Variants in DLC1 observed in about 807,000 individuals in gnomAD.
The protein encoded by DLC1 is rho GTPase-activating protein 7.
DLC1 carries 54 observed loss-of-function variants against 140.3 expected under a neutral mutation model. That is an observed-to-expected ratio of 0.38 (90% CI 0.31 to 0.48). The LOEUF is 0.48. Ranked by LOEUF, DLC1 falls within the 20% of genes least tolerant of loss-of-function variation. DLC1 has a pLI of 0.96. For synonymous variants in DLC1, 986 were observed against 728.1 expected, an observed-to-expected ratio of 1.35 and a Z score of -5.70; for missense variants, 2,536 against 1,907.0, an observed-to-expected ratio of 1.33 and a Z score of -6.14.
intron 5 of DLC1, among the ~76,000 whole-genome samples, chr8:13,301,819 G>A (rs1470190702): frequency 6.6e-6 from 1 of 152,166 alleles, no homozygotes; most frequent in Non-Finnish European, 1.5e-5. Flanking sequence ...CATGAACCCT[G>A]TTGTGAACTG....
At chr8:13,088,983 G>A (rs554303372) in intron 15 of DLC1, among the ~76,000 whole-genome samples, 1 of 152,276 alleles carries the variant, frequency 6.6e-6, no homozygotes, top group African/African-American at 2.4e-5. Context: ...TTTGAGCCGG[G>A]TGCAGTGGCT....
chr8:13,484,481 C>A (rs1419561653), intron 2 of DLC1, among the ~76,000 whole-genome samples: 1 of 152,070 alleles, frequency 6.6e-6, no homozygotes, highest in Admixed American at 6.5e-5. Flanking sequence ...TGGACTGATT[C>A]TCTTTAGTTT....
intron 5 of DLC1, among the ~76,000 whole-genome samples, chr8:13,123,653 T>C (rs1585697793): frequency 6.6e-6 from 1 of 152,124 alleles, no homozygotes; most frequent in South Asian, 2.1e-4. Flanking sequence ...ACCTGGGCCC[T>C]CTCTCCCTCT....
At chr8:13,500,985 C>A (rs1801785532) in intron 1 of DLC1, among the ~76,000 whole-genome samples, 1 of 152,278 alleles carries the variant, frequency 6.6e-6, no homozygotes, top group East Asian at 1.9e-4. Flanking sequence ...AAGGCCCAGA[C>A]TGAGATAGTC....
intron 5 of DLC1, among the ~76,000 whole-genome samples, chr8:13,300,276 T>G (rs1422112648): frequency 6.6e-6 from 1 of 152,010 alleles, no homozygotes; most frequent in Non-Finnish European, 1.5e-5. Context: ...CACTGGGCCT[T>G]TTTTGGGGAG....
chr8:13,442,668 C>G (rs1311527399), intron 2 of DLC1, among the ~76,000 whole-genome samples: 2 of 152,156 alleles, frequency 1.3e-5, no homozygotes, highest in East Asian at 3.9e-4. Context: ...CCATCTCACA[C>G]CAGTTAAAAT....
rs1237501850 is a variant in DLC1 at position 13,188,801 on chromosome 8, G to GTATATATA, written c.1349-73152_1349-73145dup. Among the ~76,000 whole-genome samples the GTATATATA allele has an allele frequency of 6.2e-3, 448 of 71,806 alleles. 5 individuals are homozygous for GTATATATA. The highest frequency in any genetic ancestry group is 8.0e-3 in the Non-Finnish European group (329 of 41,026). The allele number at this position is 71,806 out of a possible 152,430, so 47.1% of individuals were successfully genotyped here. A position where few individuals can be genotyped will look rare whatever the true frequency, so the allele number is the denominator to read the frequency against. ...AATGTGTGTGTGTGTGTGTGTGTGT[G>GTATATATA]TATATATATATATATATATATATAT... On this transcript the variant is annotated intron_variant, in intron 5 of 17. Coordinates refer to ENST00000276297, the MANE Select transcript of DLC1 (RefSeq NM_182643.3).
chr8:13,443,960 A>C (rs921571821), intron 2 of DLC1, among the ~76,000 whole-genome samples: 3 of 152,218 alleles, frequency 2.0e-5, no homozygotes, highest in African/African-American at 7.2e-5. Flanking sequence ...TCCTGAAGCT[A>C]TCTGAAATCC....
At chr8:13,413,503 T>C (rs1012816706) in intron 2 of DLC1, among the ~76,000 whole-genome samples, 6 of 151,200 alleles carry the variant, frequency 4.0e-5, no homozygotes, top group Non-Finnish European at 7.4e-5. Context: ...TGCACACATA[T>C]ATATATATAT....
chr8:13,347,783 A>G (rs1202345359), intron 4 of DLC1, among the ~76,000 whole-genome samples: 1 of 152,158 alleles, frequency 6.6e-6, no homozygotes, highest in Non-Finnish European at 1.5e-5. Flanking sequence ...TGCTTTTTAT[A>G]AGAATACAGA....
At chr8:13,485,847 T>C (rs1325331401) in intron 2 of DLC1, among the ~76,000 whole-genome samples, 1 of 152,210 alleles carries the variant, frequency 6.6e-6, no homozygotes. Flanking sequence ...CAACTTAGCA[T>C]GCTTTTTGTT....
chr8:13,146,070 C>T (rs118138275), intron 5 of DLC1, among the ~76,000 whole-genome samples: 3,446 of 151,956 alleles, frequency 0.023, 56 homozygotes, highest in Non-Finnish European at 0.03. Flanking sequence ...CAAGGTAGAT[C>T]GAGACCAGCC....
At chr8:13,313,924 G>C (rs902769802) in intron 4 of DLC1, among the ~76,000 whole-genome samples, 2 of 151,902 alleles carry the variant, frequency 1.3e-5, no homozygotes, top group South Asian at 4.1e-4. Flanking sequence ...GTCCTTTTAG[G>C]TAAGCCAGTG....
At chr8:13,158,677 C>T (rs1345515484) in intron 5 of DLC1, among the ~76,000 whole-genome samples, 1 of 140,310 alleles carries the variant, frequency 7.1e-6, no homozygotes, top group Non-Finnish European at 1.5e-5. Flanking sequence ...CAGTGCTTTT[C>T]ATTAAGGTTC....
At position 13,453,406 on chromosome 8, in the gene DLC1, A is replaced by ATATATATATATATATATATATATGTG. The variant is rs1554523014; in HGVS notation, c.1023+45642_1023+45643insCACATATATATATATATATATATATA. ...GCCCAGGATATATATATATATGTGT[A>ATATATATATATATATATATATATGTG]TATATATATATATATATGTGTATAT... is the stretch of plus-strand genomic sequence containing the variant. On this transcript the variant is annotated intron_variant, in intron 2 of 17. Coordinates refer to ENST00000276297, the MANE Select transcript of DLC1 (RefSeq NM_182643.3). Among the ~76,000 whole-genome samples, 58 of 44,670 alleles carry ATATATATATATATATATATATATGTG rather than the reference A, an allele frequency of 1.3e-3. 1 individual carries two copies. The highest frequency in any genetic ancestry group is 3.4e-3 in the East Asian group (2 of 584). The allele number at this position is 44,670 out of a possible 152,430, so 29.3% of individuals were successfully genotyped here.
chr8:13,135,830 G>A (rs545563228), intron 5 of DLC1, among the ~76,000 whole-genome samples: 3 of 152,066 alleles, frequency 2.0e-5, no homozygotes, highest in Non-Finnish European at 4.4e-5. Context: ...CTCTCTCCTT[G>A]ATTATGGATG....
chr8:13,468,253 C>T (rs201721668), intron 2 of DLC1, among the ~76,000 whole-genome samples: 54 of 152,070 alleles, frequency 3.6e-4, no homozygotes, highest in South Asian at 8.3e-4. Flanking sequence ...ACATTTACAT[C>T]GTATTCTCTT....
intron 1 of DLC1, among the ~76,000 whole-genome samples, chr8:13,599,945 T>C (rs562485315): frequency 7.1e-4 from 108 of 151,964 alleles, no homozygotes; most frequent in Non-Finnish European, 1.4e-3. Flanking sequence ...TATTGAACAG[T>C]ATCATTCAGG....
chr8:13,461,937 G>T (rs1330131910), intron 2 of DLC1, among the ~76,000 whole-genome samples: 1 of 152,168 alleles, frequency 6.6e-6, no homozygotes, highest in Non-Finnish European at 1.5e-5. Context: ...TATTAGTGAG[G>T]TATTTATCTC....
Sources: allele counts gnomAD v4.1 joint callset (sites outside exome capture counted in the v4.1 genomes callset), GRCh38; gene constraint gnomAD v4.1.1; transcripts MANE v1.5; gene names NCBI Gene and HGNC (gene_info 2026-07-23, HGNC 2026-07-21).